GHR: variants seen among roughly 807,000 people sequenced by gnomAD.
GHR encodes growth hormone receptor, also known as GH receptor.
Under a neutral mutation model 67.1 loss-of-function variants are expected in GHR, and 35 were observed. The ratio of observed to expected loss-of-function variants is 0.52; its 90% confidence interval spans 0.40 to 0.69. The LOEUF is 0.69. GHR is among the 30% of genes least tolerant of loss of function. GHR has a pLI of 0.00. For synonymous variants in GHR, 272 were observed against 269.1 expected (o/e 1.01, Z -0.10); for missense variants, 792 against 764.6 (o/e 1.04, Z -0.42).
chr5:42,615,155 T>C (rs1289003283), intron 2 of GHR, among the ~76,000 whole-genome samples: 1 of 151,966 alleles, frequency 6.6e-6, no homozygotes, highest in African/African-American at 2.4e-5. Flanking sequence ...CGACGAAATT[T>C]AAACATGGAC....
chr5:42,595,901 C>G (rs1264140867), intron 2 of GHR, among the ~76,000 whole-genome samples: 2 of 152,168 alleles, frequency 1.3e-5, no homozygotes, highest in African/African-American at 4.8e-5. Flanking sequence ...GCCTTAATAT[C>G]TTTTCATTTG....
chr5:42,708,954 G>C (rs1369303785), intron 6 of GHR, among the ~76,000 whole-genome samples: 1 of 152,144 alleles, frequency 6.6e-6, no homozygotes, highest in Non-Finnish European at 1.5e-5. Context: ...CTTGGACAAA[G>C]ACCAGGGGCT....
At chr5:42,506,090 G>C (rs1289392894) in intron 1 of GHR, among the ~76,000 whole-genome samples, 1 of 152,130 alleles carries the variant, frequency 6.6e-6, no homozygotes, top group Non-Finnish European at 1.5e-5. Flanking sequence ...ACGAGCCGTG[G>C]TGTGTTCTTG....
At chr5:42,657,906 C>T (rs936073015) in intron 3 of GHR, among the ~76,000 whole-genome samples, 1 of 152,120 alleles carries the variant, frequency 6.6e-6, no homozygotes, top group Non-Finnish European at 1.5e-5. Context: ...GTAGGTGGTC[C>T]TAAAATGTTT....
chr5:42,434,433 C>A (rs1296771250), intron 1 of GHR, among the ~76,000 whole-genome samples: 1 of 152,164 alleles, frequency 6.6e-6, no homozygotes, highest in Non-Finnish European at 1.5e-5. Context: ...ATTATTGTGC[C>A]TCCTCAAATG....
At chr5:42,548,190 A>T in intron 1 of GHR, 1 of 983,852 alleles carries the variant, frequency 1.0e-6, no homozygotes, top group Non-Finnish European at 1.2e-6. Flanking sequence ...GTCTGATGTG[A>T]TTTAATTTAC....
rs1041349211 is a variant in GHR, at chr5:42,463,081, C to A, written c.-12+39126C>A. ...AGATTGTAATATTTACTTAACCTTT[C>A]TTTATTTAATTTAGAATAAGATTAC... On this transcript the variant is annotated intron_variant, in intron 1 of 9. Transcript: ENST00000230882. 2.7e-4 allele frequency among the ~76,000 whole-genome samples: 41 copies of A among 152,178 alleles called. 1 individual carries two copies. The highest frequency in any genetic ancestry group is 1.4e-3 in the Admixed American group (22 of 15,290).
Position 42,629,119 on chromosome 5 carries a change from CT to C in GHR, c.136+21del, listed in dbSNP as rs1288035446. On this transcript the variant is annotated intron_variant, in intron 3 of 9. Transcript: ENST00000230882. ...CTAAAGACAAGTAAGAATTTCAGTC[CT>C]TTTTCTTCCTTCAATGATATTTTCC... 9 of 1,179,172 alleles carry C rather than the reference CT, an allele frequency of 7.6e-6. 3 individuals are homozygous for C. The highest frequency in any genetic ancestry group is 1.9e-5 in the African/African-American group (1 of 51,528). The allele number at this position is 1,179,172 out of a possible 1,614,324, so 73.0% of individuals were successfully genotyped here.
intron 3 of GHR, among the ~76,000 whole-genome samples, chr5:42,663,054 A>T (rs913176665): frequency 3.4e-4 from 52 of 152,212 alleles, no homozygotes; most frequent in African/African-American, 1.2e-3. Flanking sequence ...GGAAGAGTTG[A>T]ATCTCTGAAT....
chr5:42,635,558 A>C (rs1754137359), intron 3 of GHR, among the ~76,000 whole-genome samples: 1 of 152,224 alleles, frequency 6.6e-6, no homozygotes, highest in African/African-American at 2.4e-5. Context: ...GACTGCCATT[A>C]GTTTCACACG....
At chr5:42,686,706 C>A (rs1194623521) in intron 3 of GHR, among the ~76,000 whole-genome samples, 5 of 152,100 alleles carry the variant, frequency 3.3e-5, no homozygotes, top group African/African-American at 1.2e-4. Flanking sequence ...TTTTGACAAA[C>A]CCACAGCCAA....
At chr5:42,479,802 T>G (rs992003491) in intron 1 of GHR, among the ~76,000 whole-genome samples, 4 of 152,090 alleles carry the variant, frequency 2.6e-5, no homozygotes, top group Admixed American at 6.6e-5. Context: ...CTTGCTAGCA[T>G]TCTATCAATT....
intron 1 of GHR, among the ~76,000 whole-genome samples, chr5:42,429,288 G>T (rs1742986653): frequency 6.6e-6 from 1 of 152,148 alleles, no homozygotes; most frequent in Non-Finnish European, 1.5e-5. Flanking sequence ...CGCAAGAACA[G>T]CATGGGAAAA....
At chr5:42,716,829 C>A (rs1346935569) in intron 8 of GHR, among the ~76,000 whole-genome samples, 2 of 152,184 alleles carry the variant, frequency 1.3e-5, no homozygotes, top group East Asian at 3.9e-4. Flanking sequence ...AAAATGTACT[C>A]CTTATGGAAT....
chr5:42,440,456 G>T (rs999824594), intron 1 of GHR, among the ~76,000 whole-genome samples: 3 of 152,174 alleles, frequency 2.0e-5, no homozygotes, highest in African/African-American at 7.2e-5. Flanking sequence ...TCAAGTCAGT[G>T]TAGTCAGAGT....
chr5:42,701,476 T>C (rs894619381), intron 6 of GHR, among the ~76,000 whole-genome samples: 8 of 151,980 alleles, frequency 5.3e-5, no homozygotes, highest in Non-Finnish European at 1.2e-4. Flanking sequence ...ATGACTGAGT[T>C]GCCAGCTGAA....
chr5:42,710,068 A>G (rs1758380439), intron 6 of GHR, among the ~76,000 whole-genome samples: 1 of 152,168 alleles, frequency 6.6e-6, no homozygotes, highest in Non-Finnish European at 1.5e-5. Flanking sequence ...TTAAGAAAAA[A>G]ATAATAAAGT....
intron 2 of GHR, among the ~76,000 whole-genome samples, chr5:42,626,080 A>G (rs1489466988): frequency 6.6e-6 from 1 of 152,136 alleles, no homozygotes; most frequent in Non-Finnish European, 1.5e-5. Flanking sequence ...TGGGCAAGAT[A>G]AAAAATCGGA....
chr5:42,488,456 G>T (rs1320970176), intron 1 of GHR, among the ~76,000 whole-genome samples: 1 of 152,144 alleles, frequency 6.6e-6, no homozygotes, highest in Non-Finnish European at 1.5e-5. Flanking sequence ...TTTGCTCTCT[G>T]AAATACAACA....
Sources: gnomAD v4.1 joint callset for allele counts (sites outside exome capture counted in the v4.1 genomes callset) on GRCh38, gnomAD v4.1.1 for gene constraint, MANE v1.5 for transcripts, NCBI Gene and HGNC (gene_info 2026-07-23, HGNC 2026-07-21) for gene names.